Variants in GABRB2 observed in about 807,000 individuals in gnomAD.
GABRB2 encodes gamma-aminobutyric acid receptor subunit beta-2.
Under a neutral mutation model 54.7 loss-of-function variants are expected in GABRB2, and 16 were observed. That is an observed-to-expected ratio of 0.29 (90% CI 0.20 to 0.44). The LOEUF is 0.44. GABRB2 is among the 20% of genes least tolerant of loss of function. The pLI, the probability that GABRB2 is intolerant of heterozygous loss-of-function variation, is 1.00. For missense variants in GABRB2, 355 were observed against 644.0 expected (o/e 0.55, Z 4.86); for synonymous variants, 244 against 233.8 (o/e 1.04, Z -0.40).
chr5:161,473,356 C>T (rs772303268), intron 3 of GABRB2, among the ~76,000 whole-genome samples: 1 of 151,932 alleles, frequency 6.6e-6, no homozygotes, highest in Non-Finnish European at 1.5e-5. Flanking sequence ...GGGCAGTAGG[C>T]CATGATCCAA....
At chr5:161,471,138 C>A (rs1431007507) in intron 3 of GABRB2, among the ~76,000 whole-genome samples, 2 of 151,928 alleles carry the variant, frequency 1.3e-5, no homozygotes, top group East Asian at 1.9e-4. Flanking sequence ...CATAGCTGCT[C>A]CAGTTCTACC....
chr5:161,438,212 G>A (rs1052834654), intron 4 of GABRB2, among the ~76,000 whole-genome samples: 3 of 152,188 alleles, frequency 2.0e-5, no homozygotes, highest in African/African-American at 7.2e-5. Context: ...AAGAGACTTT[G>A]TATGTTTGGG....
chr5:161,325,077 G>A (rs574053644), intron 9 of GABRB2, among the ~76,000 whole-genome samples: 11 of 152,016 alleles, frequency 7.2e-5, no homozygotes, highest in African/African-American at 1.7e-4. Context: ...TTTGATTTTC[G>A]TTTTCAGAAA....
At chr5:161,360,650 G>A (rs145191977) in intron 5 of GABRB2, among the ~76,000 whole-genome samples, 1 of 152,054 alleles carries the variant, frequency 6.6e-6, no homozygotes, top group African/African-American at 2.4e-5. Flanking sequence ...AAAATATTAA[G>A]AAAGAACAAT....
At chr5:161,356,606 T>C (rs1238036691) in intron 5 of GABRB2, among the ~76,000 whole-genome samples, 1 of 152,100 alleles carries the variant, frequency 6.6e-6, no homozygotes, top group Admixed American at 6.6e-5. Flanking sequence ...GAAAAGGTCA[T>C]GGTTTGGAAA....
At position 161,510,763 on chromosome 5, in the gene GABRB2, A is replaced by G. The variant is rs558572289; in HGVS notation, c.237+34464T>C. ...TTTTTATTTTCATATCTATGAGTGT[A>G]AATGCCTACCCTTATGTCCAGCATT... On this transcript the variant is annotated intron_variant, in intron 3 of 9. Coordinates refer to ENST00000393959, the MANE Select transcript of GABRB2 (RefSeq NM_001371727.1). Among the ~76,000 whole-genome samples the G allele has an allele frequency of 1.6e-3, 245 of 152,040 alleles. 1 individual carries two copies. The highest frequency in any genetic ancestry group is 8.1e-4 in the Non-Finnish European group (55 of 67,866).
At chr5:161,473,407 T>C (rs1484508105) in intron 3 of GABRB2, among the ~76,000 whole-genome samples, 1 of 151,938 alleles carries the variant, frequency 6.6e-6, no homozygotes, top group African/African-American at 2.4e-5. Flanking sequence ...GTTCCGTGAA[T>C]ATAAAGCATT....
chr5:161,388,133 T>C (rs1391569767), intron 5 of GABRB2, among the ~76,000 whole-genome samples: 1 of 152,114 alleles, frequency 6.6e-6, no homozygotes, highest in Non-Finnish European at 1.5e-5. Context: ...ATGGGAAGAT[T>C]TGAGAGTAGA....
At chr5:161,491,507 G>A (rs1455254995) in intron 3 of GABRB2, among the ~76,000 whole-genome samples, 4 of 151,546 alleles carry the variant, frequency 2.6e-5, no homozygotes, top group Admixed American at 1.3e-4. Flanking sequence ...TGATAAGAAC[G>A]GTACTGGTTC....
intron 3 of GABRB2, among the ~76,000 whole-genome samples, chr5:161,471,214 G>A (rs1051874176): frequency 3.3e-5 from 5 of 151,906 alleles, no homozygotes; most frequent in Non-Finnish European, 5.9e-5. Flanking sequence ...AAAAGCAAAC[G>A]AAACTCAGAG....
intron 4 of GABRB2, among the ~76,000 whole-genome samples, chr5:161,455,778 C>G (rs1274320644): frequency 2.6e-5 from 4 of 151,942 alleles, no homozygotes; most frequent in Non-Finnish European, 4.4e-5. Context: ...AGCAATCTGC[C>G]CACCTCAGCC....
At chr5:161,382,336 C>T (rs1018886896) in intron 5 of GABRB2, among the ~76,000 whole-genome samples, 2 of 152,172 alleles carry the variant, frequency 1.3e-5, no homozygotes, top group African/African-American at 4.8e-5. Context: ...TACTGAGATA[C>T]TCATCAGACT....
In GABRB2 at chr5:161,545,359, C is replaced by T. The variant is rs1002696569; in HGVS notation, c.170-65G>A. 1.9e-5 allele frequency: 25 copies of T among 1,297,866 alleles called. No individual in the cohort carries two copies. In the Admixed American group the frequency reaches 5.6e-4, roughly 29 times the overall value. 80.4% of individuals were successfully genotyped at this position (1,297,866 alleles called of 1,614,324 possible). ...TTCATTCATTCTCAGCAAGAGTTAT[C>T]CCTGAGCATAAGACACTCTGCCCAA... On this transcript the variant is annotated intron_variant, in intron 2 of 9. Transcript: ENST00000393959.
chr5:161,504,936 T>C (rs1004724171), intron 3 of GABRB2, among the ~76,000 whole-genome samples: 1 of 152,038 alleles, frequency 6.6e-6, no homozygotes, highest in Non-Finnish European at 1.5e-5. Context: ...CCAATAACTA[T>C]GAAATATTAT....
chr5:161,315,871 G>A lies in GABRB2; in HGVS notation c.1191+10497C>T, dbSNP rs187106197. On this transcript the variant is annotated intron_variant, in intron 9 of 9. Transcript: ENST00000393959. ...CATTTTTAGGACAGAAATCACATCC[G>A]AAGCACATTAAATTGTTGCTAACAC... Among the ~76,000 whole-genome samples, 87 of 152,186 alleles carry A rather than the reference G, an allele frequency of 5.7e-4. 1 individual carries two copies. Among genetic ancestry groups the A allele is most frequent in the African/African-American group, 1.9e-3 (81 of 41,544 alleles).
chr5:161,324,692 A>T (rs1007169623), intron 9 of GABRB2, among the ~76,000 whole-genome samples: 3 of 152,112 alleles, frequency 2.0e-5, no homozygotes, highest in Admixed American at 6.5e-5. Flanking sequence ...AGTTTACTAG[A>T]AAGCTTGTTA....
At chr5:161,352,030 A>G (rs1754486235) in intron 5 of GABRB2, among the ~76,000 whole-genome samples, 1 of 152,086 alleles carries the variant, frequency 6.6e-6, no homozygotes, top group South Asian at 2.1e-4. Flanking sequence ...TAGGATGGCT[A>G]TTATCAACAA....
At chr5:161,521,073 C>T (rs1363203928) in intron 3 of GABRB2, among the ~76,000 whole-genome samples, 1 of 151,948 alleles carries the variant, frequency 6.6e-6, no homozygotes, top group Non-Finnish European at 1.5e-5. Context: ...AAGACAATTT[C>T]CTATGGACGG....
At chr5:161,434,277 T>G (rs1295889575) in intron 4 of GABRB2, among the ~76,000 whole-genome samples, 1 of 152,192 alleles carries the variant, frequency 6.6e-6, no homozygotes, top group African/African-American at 2.4e-5. Context: ...ATAAATGCTA[T>G]TTATTTGTAG....
Sources: gnomAD v4.1 joint callset for allele counts (sites outside exome capture counted in the v4.1 genomes callset) on GRCh38, gnomAD v4.1.1 for gene constraint, MANE v1.5 for transcripts, NCBI Gene and HGNC (gene_info 2026-07-23, HGNC 2026-07-21) for gene names.